The following XG variants were observed in gnomAD, a reference collection of about 807,000 sequenced individuals.
XG encodes glycoprotein Xg.
XG carries 24 observed loss-of-function variants against 25.7 expected under a neutral mutation model. That is an observed-to-expected ratio of 0.93 (90% confidence interval 0.68 to 1.31). XG has a LOEUF of 1.31. XG is among the 40% of genes most tolerant of loss of function. The pLI is 0.00. For synonymous variants in XG, 77 were observed against 69.2 expected (o/e 1.11, Z -0.56); for missense variants, 181 against 187.6 (o/e 0.96, Z 0.21).
chrX:2,778,822 G>A (rs1218713636), intron 3 of XG, among the ~76,000 whole-genome samples: 1 of 149,864 alleles, frequency 6.7e-6, no homozygotes, highest in Non-Finnish European at 1.5e-5. Flanking sequence ...CACCCAGGCT[G>A]CAGTGCAGTG....
chrX:2,759,684 C>G (rs1362427247), intron 1 of XG, among the ~76,000 whole-genome samples: 1 of 152,192 alleles, frequency 6.6e-6, no homozygotes, highest in Admixed American at 6.5e-5. Context: ...CAAGAAATGT[C>G]TCCCCTTTCT....
intron 7 of XG, among the ~76,000 whole-genome samples, chrX:2,804,270 C>G (rs1247528852): frequency 1.8e-5 from 2 of 113,171 alleles, no homozygotes; most frequent in African/African-American, 6.4e-5. Flanking sequence ...AAACCATGAA[C>G]TGAATTCCTT....
chrX:2,792,129 A>C (rs1034622896), intron 5 of XG, among the ~76,000 whole-genome samples: 4 of 110,745 alleles, frequency 3.6e-5, no homozygotes, highest in Non-Finnish European at 7.6e-5. Flanking sequence ...TTAAAATACA[A>C]AAATTAGCCA....
chrX:2,789,282 G>C (rs762558074), intron 4 of XG, among the ~76,000 whole-genome samples: 3 of 111,702 alleles, frequency 2.7e-5, no homozygotes, highest in Non-Finnish European at 5.6e-5. Flanking sequence ...AAGCAAGATG[G>C]AAATACAACA....
At chrX:2,764,797 T>G (rs1427831367) in intron 1 of XG, among the ~76,000 whole-genome samples, 3 of 151,928 alleles carry the variant, frequency 2.0e-5, no homozygotes, top group African/African-American at 4.8e-5. Context: ...TTACAGCACT[T>G]TGGGAGGCCG....
chrX:2,758,904 C>T (rs1383434610), intron 1 of XG, among the ~76,000 whole-genome samples: 1 of 152,204 alleles, frequency 6.6e-6, no homozygotes, highest in African/African-American at 2.4e-5. Flanking sequence ...ATACACCTAT[C>T]ATCTACCTAA....
At chrX:2,770,483 G>A (rs1314185315) in intron 1 of XG, 67 bp from the exon 2 acceptor site, 31 of 1,591,142 alleles carry the variant, frequency 1.9e-5, no homozygotes, top group Non-Finnish European at 2.7e-5. Context: ...GCAGCATGAG[G>A]TGAGGAACAA....
At chrX:2,767,035 C>T (rs752163188) in intron 1 of XG, among the ~76,000 whole-genome samples, 14 of 151,520 alleles carry the variant, frequency 9.2e-5, no homozygotes, top group Non-Finnish European at 1.8e-4. Context: ...GACATGGGGG[C>T]TGGAGAAGTT....
At chrX:2,793,148 C>T (rs1369575416) in intron 5 of XG, among the ~76,000 whole-genome samples, 1 of 111,135 alleles carries the variant, frequency 9.0e-6, no homozygotes, top group Non-Finnish European at 1.9e-5. Flanking sequence ...AAGCAATCCT[C>T]CCGCCTCCAC....
At chrX:2,753,727 T>C (rs311109) in intron 1 of XG, among the ~76,000 whole-genome samples, 84,621 of 151,594 alleles carry the variant, frequency 0.56, 23,963 homozygotes, top group African/African-American at 0.64. Context: ...GGATTATAGG[T>C]GCCCACCACC....
chrX:2,782,942 C>T (rs2086745807), intron 4 of XG, among the ~76,000 whole-genome samples: 1 of 111,677 alleles, frequency 9.0e-6, no homozygotes, highest in African/African-American at 3.3e-5. Context: ...GAACTGAATT[C>T]GTTCCCAAGG....
chrX:2,752,980 C>A, intron 1 of XG: 1 of 985,280 alleles, frequency 1.0e-6, no homozygotes, highest in Non-Finnish European at 1.2e-6. Context: ...TCATAAAGTA[C>A]AGGATTTGAA....
At chrX:2,763,148 C>A (rs1337025689) in intron 1 of XG, among the ~76,000 whole-genome samples, 1 of 151,964 alleles carries the variant, frequency 6.6e-6, no homozygotes, top group Non-Finnish European at 1.5e-5. Context: ...TCCCAAGTAG[C>A]TGGGACTACA....
intron 3 of XG, among the ~76,000 whole-genome samples, chrX:2,779,838 G>T (rs2051080222): frequency 6.6e-6 from 1 of 151,970 alleles, no homozygotes; most frequent in Non-Finnish European, 1.5e-5. Context: ...GTAGAGACGG[G>T]TTTTAACCAT....
intron 3 of XG, among the ~76,000 whole-genome samples, chrX:2,776,113 T>C (rs2050983515): frequency 6.7e-6 from 1 of 148,402 alleles, no homozygotes; most frequent in African/African-American, 2.5e-5. Context: ...CACGGTATGT[T>C]GTACCTGAGC....
intron 2 of XG, 121 bp from the exon 3 acceptor site, chrX:2,774,595 A>G: frequency 9.1e-7 from 1 of 1,102,150 alleles, no homozygotes; most frequent in Non-Finnish European, 1.4e-6. Flanking sequence ...TGTCTATATC[A>G]TTTACTTTGT....
chrX:2,760,606 G>A (rs1473978125), intron 1 of XG, among the ~76,000 whole-genome samples: 3 of 150,762 alleles, frequency 2.0e-5, no homozygotes, highest in South Asian at 2.1e-4. Context: ...TTAGCTGGGC[G>A]TGCCTGTAGT....
chrX:2,759,131 C>T (rs1471438275), intron 1 of XG, among the ~76,000 whole-genome samples: 1 of 152,102 alleles, frequency 6.6e-6, no homozygotes, highest in Non-Finnish European at 1.5e-5. Context: ...TTGTGTTCCT[C>T]GAGTAACACT....
chrX:2,762,901 C>G (rs964697085), intron 1 of XG, among the ~76,000 whole-genome samples: 5 of 152,166 alleles, frequency 3.3e-5, no homozygotes, highest in African/African-American at 1.2e-4. Flanking sequence ...CCAGGCACCT[C>G]GCTGGCCTTG....
Sources: gnomAD v4.1 joint callset for allele counts (sites outside exome capture counted in the v4.1 genomes callset) on GRCh38, gnomAD v4.1.1 for gene constraint, MANE v1.5 for transcripts, NCBI Gene and HGNC (gene_info 2026-07-23, HGNC 2026-07-21) for gene names.